The following DNAH9 variants were observed in gnomAD, a reference collection of about 807,000 sequenced individuals.
DNAH9 encodes the protein DNAH9 variant protein.
Under a neutral mutation model 471.6 loss-of-function variants are expected in DNAH9, and 345 were observed. That is an observed-to-expected ratio of 0.73 (90% CI 0.67 to 0.80). The LOEUF is 0.80. Ranked by LOEUF, DNAH9 falls within the 30% of genes least tolerant of loss-of-function variation. DNAH9 has a pLI of 0.00. For synonymous variants in DNAH9, 2,093 were observed against 2,123.6 expected, an observed-to-expected ratio of 0.99 and a Z score of 0.40; for missense variants, 5,407 against 5,609.2, an observed-to-expected ratio of 0.96 and a Z score of 1.15.
chr17:11,964,329 C>T (rs574230703), intron 68 of DNAH9, among the ~76,000 whole-genome samples: 1 of 152,186 alleles, frequency 6.6e-6, no homozygotes, highest in South Asian at 2.1e-4. Context: ...AGAGAAGTAC[C>T]AAAAGGAAAG....
chr17:11,951,725 C>G (rs1431279348), intron 67 of DNAH9, among the ~76,000 whole-genome samples: 1 of 152,028 alleles, frequency 6.6e-6, no homozygotes, highest in East Asian at 1.9e-4. Context: ...GAGCTTAAGA[C>G]CAGCCTGGAC....
At chr17:11,868,928 CAAGATGAAGTCCTTGCTAGG>C (rs2150984073) in intron 50 of DNAH9, among the ~76,000 whole-genome samples, 186 bp from the exon 51 acceptor site, 1 of 152,200 alleles carries the variant, frequency 6.6e-6, no homozygotes, top group South Asian at 2.1e-4. Context: ...ACTGCAGGAC[CAAGATGAAGTCCTTGCTAGG>C]ACCCGCCTGA....
chr17:11,887,035 T>G (rs536408489), intron 57 of DNAH9, 70 bp downstream of exon 57: 1 of 1,506,896 alleles, frequency 6.6e-7, no homozygotes, highest in African/African-American at 1.4e-5. Flanking sequence ...CAGCTCTCTG[T>G]GAGAGCTTAT....
At chr17:11,830,606 G>A (rs955764569) in intron 48 of DNAH9, among the ~76,000 whole-genome samples, 3 of 152,246 alleles carry the variant, frequency 2.0e-5, no homozygotes, top group East Asian at 1.9e-4. Context: ...GGGAAGGGAC[G>A]GGTGGGAAAA....
rs2074676053 is a variant in DNAH9, at chr17:11,705,075, G to T, written c.5442G>T (p.Trp1814Cys). The change falls in exon 26 of 69, where the codon TGG (tryptophan) becomes TGT (cysteine). Residue 1814 changes from tryptophan (W) to cysteine (C), a missense_variant. Trp to Cys is a radical substitution (Grantham distance 215). Transcript: ENST00000262442. ...GGCTGTCTCAGCTGCGCCATCGTTG[G>T]GATGACGAGGTCAAACACTGCTTTG... The part of the protein sequence containing the change: ...FLWLSQLRHR[W>C]DDEVKHCFAN... The T allele has an allele frequency of 2.5e-6, 4 of 1,614,016 alleles. No homozygotes were observed. The highest frequency in any genetic ancestry group is 3.4e-6 in the Non-Finnish European group (4 of 1,179,992).
chr17:11,867,464 G>GTT (rs36026830), intron 50 of DNAH9, among the ~76,000 whole-genome samples: 1 of 151,530 alleles, frequency 6.6e-6, no homozygotes, highest in Non-Finnish European at 1.5e-5. Flanking sequence ...TTCCACAAGA[G>GTT]TTTTTTTTTG....
At chr17:11,818,751 GTT>G (rs1170830261) in intron 45 of DNAH9, among the ~76,000 whole-genome samples, 6 of 152,076 alleles carry the variant, frequency 3.9e-5, no homozygotes, top group Non-Finnish European at 7.4e-5. Context: ...CATATCCATT[GTT>G]TTCAACTTTT....
At chr17:11,874,202 G>A (rs1033172022) in intron 52 of DNAH9, among the ~76,000 whole-genome samples, 5 of 142,150 alleles carry the variant, frequency 3.5e-5, no homozygotes, top group East Asian at 2.1e-4. Flanking sequence ...CTGAGATGAC[G>A]CCATTGCACT....
At chr17:11,884,322 C>G (rs1042854715) in intron 56 of DNAH9, 26 of 249,690 alleles carry the variant, frequency 1.0e-4, no homozygotes, top group Middle Eastern at 1.3e-3. Context: ...CTCGGTCCCC[C>G]CTGTGAGGAC....
intron 43 of DNAH9, among the ~76,000 whole-genome samples, chr17:11,804,251 A>G (rs1459387795): frequency 2.0e-5 from 3 of 152,262 alleles, no homozygotes; most frequent in Non-Finnish European, 4.4e-5. Flanking sequence ...AATGTAGGTC[A>G]ATAAATAACT....
intron 67 of DNAH9, among the ~76,000 whole-genome samples, chr17:11,946,314 A>G: frequency 6.6e-6 from 1 of 151,994 alleles, no homozygotes; most frequent in Non-Finnish European, 1.5e-5. Flanking sequence ...AGGAGGGGCA[A>G]TCAACCACTG....
intron 1 of DNAH9, among the ~76,000 whole-genome samples, chr17:11,605,317 G>GT (rs1374207680): frequency 8.5e-5 from 13 of 152,168 alleles, no homozygotes; most frequent in African/African-American, 3.1e-4. Context: ...AGAACTTACT[G>GT]TTTCTTGACT....
intron 17 of DNAH9, among the ~76,000 whole-genome samples, chr17:11,678,336 T>C (rs1473208370): frequency 4.6e-5 from 7 of 152,160 alleles, no homozygotes; most frequent in African/African-American, 2.4e-5. Context: ...ACCAACATAC[T>C]TACCATTATT....
chr17:11,766,731 A>G (rs941733967), intron 36 of DNAH9, among the ~76,000 whole-genome samples: 1 of 152,148 alleles, frequency 6.6e-6, no homozygotes, highest in Admixed American at 6.5e-5. Flanking sequence ...TTGGGAGGCC[A>G]AGGCGGGTGG....
chr17:11,867,547 CTG>C (rs1416475910), intron 50 of DNAH9, among the ~76,000 whole-genome samples: 2 of 152,136 alleles, frequency 1.3e-5, no homozygotes, highest in Non-Finnish European at 1.5e-5. Flanking sequence ...GTCTGAGAAA[CTG>C]TGAAAGTTTT....
Position 11,704,359 on chromosome 17 carries a change from AAGGGAGACCGGCAGAAGATTATGACTAT to A in DNAH9, c.5310_5337del (p.Lys1770AsnfsTer12). On this transcript the variant is annotated frameshift_variant, in exon 25 of 69. Coordinates refer to ENST00000262442, the MANE Select transcript of DNAH9 (RefSeq NM_001372.4). LOFTEE classifies it high-confidence loss of function. ...CACCATGCTGATTGGCCAGCTCTCC[AAGGGAGACCGGCAGAAGATTATGACTAT>A]ATGCACCATCGATGTGCATGCCCGG... 1 of 1,614,176 alleles carries A rather than the reference AAGGGAGACCGGCAGAAGATTATGACTAT, an allele frequency of 6.2e-7. No homozygotes were observed. The highest frequency in any genetic ancestry group is 8.5e-7 in the Non-Finnish European group (1 of 1,180,016).
intron 26 of DNAH9, among the ~76,000 whole-genome samples, 176 bp from the exon 27 acceptor site, chr17:11,719,158 G>A (rs1221653099): frequency 1.3e-5 from 2 of 152,106 alleles, no homozygotes; most frequent in Admixed American, 6.5e-5. Context: ...AGGGAGCACT[G>A]TGATGAGCTT....
chr17:11,637,285 A>G (rs117967176), intron 9 of DNAH9, among the ~76,000 whole-genome samples: 115 of 152,278 alleles, frequency 7.6e-4, no homozygotes, highest in Admixed American at 1.6e-3. Context: ...AATGCATTTC[A>G]GTTTTACGTA....
At position 11,961,957 on chromosome 17, in the gene DNAH9, C is replaced by G; in HGVS notation, c.12934C>G (p.Pro4312Ala). Reference sequence around the variant, plus strand: ...AGAGTCCTGGGCTAGACGAGCCTACCCTTCCACAGCAGGCCTGGCAGCCTG... The same window carrying G: ...AGAGTCCTGGGCTAGACGAGCCTACGCTTCCACAGCAGGCCTGGCAGCCTG... ...VPESWARRAY[P>A]STAGLAAWFP... Residue 4312 changes from proline (P) to alanine (A), a missense_variant, in exon 68 of 69, where the codon CCT becomes GCT. Around this residue, in one of 3 missense-constraint regions of DNAH9, gnomAD observed 4,636 missense variants for 4,900.3 expected, o/e 0.95. Coordinates refer to ENST00000262442, the MANE Select transcript of DNAH9 (RefSeq NM_001372.4). The G allele has an allele frequency of 6.2e-7, 1 of 1,614,146 alleles. No individual in the cohort carries two copies. The highest frequency in any genetic ancestry group is 2.2e-5 in the East Asian group (1 of 44,872).
Sources: gnomAD v4.1 joint callset for allele counts (sites outside exome capture counted in the v4.1 genomes callset) on GRCh38, gnomAD v4.1.1 for gene constraint, gnomAD v4.1.1 regional missense constraint, MANE v1.5 for transcripts, NCBI Gene and HGNC (gene_info 2026-07-23, HGNC 2026-07-21) for gene names.